The following ANKRD22 variants were observed in gnomAD, a reference collection of about 807,000 sequenced individuals.
ANKRD22 encodes ankyrin repeat domain 22, also known as ankyrin repeat domain-containing protein 22.
ANKRD22 carries 24 observed loss-of-function variants against 25.7 expected under a neutral mutation model. The observed-to-expected ratio is 0.93, with a 90% CI of 0.68 to 1.31. ANKRD22 has a LOEUF of 1.31. ANKRD22 is among the 50% of genes most tolerant of loss of function. ANKRD22 has a pLI of 0.00. For synonymous variants in ANKRD22, 84 were observed against 84.3 expected, an observed-to-expected ratio of 1.00 and a Z score of 0.02; for missense variants, 214 against 227.1, an observed-to-expected ratio of 0.94 and a Z score of 0.37.
rs2133085912 is a variant in ANKRD22 at position 88,851,757 on chromosome 10, A to G, written c.-150T>C. The stretch of plus-strand genomic sequence containing the variant: ...CTCCAGGAGTGCTTTTCTAGCAAAC[A>G]CCTGTCAGTGCTTTTCCAGCAGCTC... On this transcript the variant is annotated 5_prime_UTR_variant, in exon 1 of 6. Transcript: ENST00000371930. The G allele has an allele frequency of 1.3e-6, 1 of 782,970 alleles. No homozygotes were observed. The highest frequency in any genetic ancestry group is 1.7e-5 in the African/African-American group (1 of 58,416). The allele number at this position is 782,970 out of a possible 1,614,324, so 48.5% of individuals were successfully genotyped here. A position where few individuals can be genotyped will look rare whatever the true frequency, so the allele number is the denominator to read the frequency against.
At chr10:88,848,166 A>AT in intron 1 of ANKRD22, among the ~76,000 whole-genome samples, 1 of 130,676 alleles carries the variant, frequency 7.7e-6, no homozygotes, top group South Asian at 2.4e-4. Context: ...ATATATATGT[A>AT]TATATGTGTA....
At chr10:88,851,160 C>T (rs1844100845) in intron 1 of ANKRD22, among the ~76,000 whole-genome samples, 1 of 152,058 alleles carries the variant, frequency 6.6e-6, no homozygotes, top group Non-Finnish European at 1.5e-5. Context: ...CCTTCAAATA[C>T]CAAGCTGAAA....
At chr10:88,848,581 T>C (rs544350833) in intron 1 of ANKRD22, among the ~76,000 whole-genome samples, 1 of 152,252 alleles carries the variant, frequency 6.6e-6, no homozygotes, top group South Asian at 2.1e-4. Context: ...TTCCCCATTG[T>C]CTCTGCCTAG....
intron 1 of ANKRD22, among the ~76,000 whole-genome samples, chr10:88,842,766 G>A (rs1235435051): frequency 6.6e-6 from 1 of 152,000 alleles, no homozygotes; most frequent in Non-Finnish European, 1.5e-5. Context: ...AACTATAAAT[G>A]TTTCACATAC....
At chr10:88,850,352 C>T (rs1020627966) in intron 1 of ANKRD22, among the ~76,000 whole-genome samples, 1 of 151,896 alleles carries the variant, frequency 6.6e-6, no homozygotes, top group Non-Finnish European at 1.5e-5. Context: ...TTAGGTCCCA[C>T]CCAGGTCTAC....
intron 1 of ANKRD22, among the ~76,000 whole-genome samples, chr10:88,838,364 T>C (rs1220381281): frequency 1.3e-5 from 2 of 152,106 alleles, no homozygotes; most frequent in Non-Finnish European, 2.9e-5. Context: ...TTAAATTCAG[T>C]CTTAATGGGC....
intron 1 of ANKRD22, among the ~76,000 whole-genome samples, chr10:88,846,994 A>G (rs192922141): frequency 6.6e-6 from 1 of 152,276 alleles, no homozygotes; most frequent in Admixed American, 6.5e-5. Flanking sequence ...TTTATGCCAA[A>G]GAACTACGCA....
At chr10:88,837,725 G>A (rs1843966876) in intron 1 of ANKRD22, among the ~76,000 whole-genome samples, 1 of 152,102 alleles carries the variant, frequency 6.6e-6, no homozygotes, top group Non-Finnish European at 1.5e-5. Context: ...ACATGTCATG[G>A]GAGGGACCCA....
chr10:88,841,968 G>A (rs750106608), intron 1 of ANKRD22, among the ~76,000 whole-genome samples: 4 of 152,038 alleles, frequency 2.6e-5, no homozygotes, highest in South Asian at 2.1e-4. Context: ...GAGCTTAACC[G>A]TGCCTCATTT....
intron 1 of ANKRD22, among the ~76,000 whole-genome samples, chr10:88,849,702 T>A (rs529619474): frequency 1.8e-4 from 28 of 152,282 alleles, no homozygotes; most frequent in African/African-American, 6.5e-4. Context: ...CCTAAATACA[T>A]GTTTGTTGCT....
Position 88,820,159 on chromosome 10 carries a change from C to A in ANKRD22, c.*2782G>T, listed in dbSNP as rs1843769798. ...ACAACAGATGGCATGTTTATTATGT[C>A]TATTTGAAACATAAATTATGAGCCT... On this transcript the variant is annotated 3_prime_UTR_variant, in exon 6 of 6. Coordinates refer to ENST00000371930, the MANE Select transcript of ANKRD22 (RefSeq NM_144590.3). The A allele has an allele frequency of 8.1e-7, 1 of 1,233,194 alleles. No individual in the cohort carries two copies. Among genetic ancestry groups the A allele is most frequent in the Non-Finnish European group, 1.1e-6 (1 of 895,712 alleles). The allele number at this position is 1,233,194 out of a possible 1,614,324, so 76.4% of individuals were successfully genotyped here. A position where few individuals can be genotyped will look rare whatever the true frequency, so the allele number is the denominator to read the frequency against.
chr10:88,838,886 T>C (rs573061890), intron 1 of ANKRD22, among the ~76,000 whole-genome samples: 10 of 152,062 alleles, frequency 6.6e-5, no homozygotes, highest in Non-Finnish European at 1.2e-4. Flanking sequence ...GAAAACAGAC[T>C]AGTAGGCGAG....
intron 1 of ANKRD22, among the ~76,000 whole-genome samples, chr10:88,849,029 G>GT (rs1564608765): frequency 6.0e-4 from 68 of 114,036 alleles, no homozygotes; most frequent in African/African-American, 1.8e-3. Context: ...TGTGTGTGTG[G>GT]GTGTGTGTGC....
intron 4 of ANKRD22, among the ~76,000 whole-genome samples, chr10:88,823,768 C>T (rs984475637): frequency 2.1e-5 from 3 of 143,900 alleles, no homozygotes; most frequent in Non-Finnish European, 3.0e-5. Flanking sequence ...GCGGAGCTTG[C>T]AGTGAGCCGA....
At chr10:88,846,102 T>C (rs548791056) in intron 1 of ANKRD22, among the ~76,000 whole-genome samples, 1 of 152,284 alleles carries the variant, frequency 6.6e-6, no homozygotes, top group East Asian at 1.9e-4. Context: ...AACTTACTGG[T>C]GGACTCTGAA....
At chr10:88,823,228 T>C (rs1843817815) in intron 5 of ANKRD22, 52 bp downstream of exon 5, 1 of 1,476,368 alleles carries the variant, frequency 6.8e-7, no homozygotes, top group African/African-American at 1.4e-5. Context: ...AGGCCTAGAT[T>C]AGAAGATGCT....
At chr10:88,838,230 G>A (rs1331283687) in intron 1 of ANKRD22, among the ~76,000 whole-genome samples, 4 of 152,178 alleles carry the variant, frequency 2.6e-5, no homozygotes, top group Non-Finnish European at 4.4e-5. Context: ...AGCCTGCCAT[G>A]TGAGTTTGTG....
intron 1 of ANKRD22, among the ~76,000 whole-genome samples, chr10:88,845,910 A>G (rs1844043461): frequency 6.6e-6 from 1 of 152,132 alleles, no homozygotes; most frequent in African/African-American, 2.4e-5. Flanking sequence ...ACCTTGGCCT[A>G]CAAGACCTGC....
Position 88,823,019 on chromosome 10 carries a change from CT to C in ANKRD22, c.499-2del. The C allele has an allele frequency of 6.2e-7, 1 of 1,612,346 alleles. No individual in the cohort carries two copies. Among genetic ancestry groups the C allele is most frequent in the Admixed American group, 1.7e-5 (1 of 59,992 alleles). ...CAATATCCAGTGAGCTCTCACCATG[CT>C]GAGGGGGGAAAAATATACAGTTATT... On this transcript the variant is annotated splice_acceptor_variant, in intron 5 of 5. Coordinates refer to ENST00000371930, the MANE Select transcript of ANKRD22 (RefSeq NM_144590.3). LOFTEE classifies it high-confidence loss of function.
Sources: allele counts gnomAD v4.1 joint callset (sites outside exome capture counted in the v4.1 genomes callset), GRCh38; gene constraint gnomAD v4.1.1; transcripts MANE v1.5; gene names NCBI Gene and HGNC (gene_info 2026-07-23, HGNC 2026-07-21).